BNC2: variants seen among roughly 807,000 people sequenced by gnomAD.
The protein encoded by BNC2 is zinc finger protein basonuclin-2.
Under a neutral mutation model 76.3 loss-of-function variants are expected in BNC2, and 20 were observed. That is an observed-to-expected ratio of 0.26 (90% confidence interval 0.18 to 0.38). BNC2 has a LOEUF of 0.38. BNC2 is among the 10% of genes least tolerant of loss of function. The probability of loss-of-function intolerance (pLI) is 1.00; values close to 1 mark genes in which losing one functional copy is unlikely to be tolerated. For missense variants in BNC2, 1,382 were observed against 1,399.8 expected (o/e 0.99, Z 0.20); for synonymous variants, 582 against 514.8 (o/e 1.13, Z -1.77).
chr9:16,691,527 T>G (rs1587320374), intron 3 of BNC2, among the ~76,000 whole-genome samples: 1 of 94,840 alleles, frequency 1.1e-5, no homozygotes, highest in Admixed American at 1.1e-4. Context: ...TTTTTTTTTT[T>G]GAAACAGAGT....
intron 1 of BNC2, among the ~76,000 whole-genome samples, chr9:16,790,843 G>A (rs1267812525): frequency 8.5e-6 from 1 of 117,102 alleles, no homozygotes; most frequent in African/African-American, 3.2e-5. Flanking sequence ...TTTTAAGAAT[G>A]CTGTTTACAA....
chr9:16,806,438 G>C (rs918697926), intron 1 of BNC2, among the ~76,000 whole-genome samples: 3 of 152,160 alleles, frequency 2.0e-5, no homozygotes, highest in African/African-American at 7.2e-5. Context: ...GTGCTATTTT[G>C]AAGGTTCACT....
chr9:16,452,734 G>C (rs141072835), intron 5 of BNC2, among the ~76,000 whole-genome samples: 1 of 152,140 alleles, frequency 6.6e-6, no homozygotes, highest in Non-Finnish European at 1.5e-5. Flanking sequence ...ATAAATGTTC[G>C]TGGGCGCATA....
At chr9:16,543,720 G>A (rs563944228) in intron 5 of BNC2, among the ~76,000 whole-genome samples, 26 of 152,290 alleles carry the variant, frequency 1.7e-4, no homozygotes, top group South Asian at 1.0e-3. Context: ...AATAGTTAGA[G>A]CTTTGGCATG....
At chr9:16,836,873 C>T (rs1586922936) in intron 1 of BNC2, among the ~76,000 whole-genome samples, 1 of 152,112 alleles carries the variant, frequency 6.6e-6, no homozygotes, top group East Asian at 1.9e-4. Flanking sequence ...GGCCCTTGGG[C>T]TGTCCACAGC....
intron 5 of BNC2, among the ~76,000 whole-genome samples, chr9:16,439,597 C>T (rs1821085675): frequency 6.6e-6 from 1 of 152,188 alleles, no homozygotes; most frequent in African/African-American, 2.4e-5. Flanking sequence ...ATCTGTACTG[C>T]TTTTGCAAGG....
At chr9:16,424,204 A>G (rs1292209542) in intron 6 of BNC2, among the ~76,000 whole-genome samples, 3 of 151,946 alleles carry the variant, frequency 2.0e-5, no homozygotes, top group Non-Finnish European at 4.4e-5. Flanking sequence ...CAAAAACACT[A>G]TCTAAAGAAA....
chr9:16,678,267 C>CTTTTTTTTTTTTTTTTTTTTT lies in BNC2; in HGVS notation c.330+49509_330+49529dup, dbSNP rs140809930. ...ACTTGTAACTGTTTTCTTTCTTTTTCTTTTTTTTTTTTTTTTTTTTTTTTT... is the reference window on the plus strand; with the variant it reads ...ACTTGTAACTGTTTTCTTTCTTTTTCTTTTTTTTTTTTTTTTTTTTTTTTTTTTTTTTTTTTTTTTTTTTTT... On this transcript the variant is annotated intron_variant, in intron 3 of 6. Coordinates refer to ENST00000380672, the MANE Select transcript of BNC2 (RefSeq NM_017637.6). 6.2e-5 allele frequency among the ~76,000 whole-genome samples: 5 copies of CTTTTTTTTTTTTTTTTTTTTT among 80,718 alleles called. 1 individual carries two copies. The highest frequency in any genetic ancestry group is 2.8e-4 in the African/African-American group (5 of 17,674). 53.0% of individuals were successfully genotyped at this position (80,718 alleles called of 152,430 possible). A position where few individuals can be genotyped will look rare whatever the true frequency, so the allele number is the denominator to read the frequency against.
At chr9:16,741,684 G>A (rs1824854090) in intron 1 of BNC2, among the ~76,000 whole-genome samples, 2 of 151,956 alleles carry the variant, frequency 1.3e-5, no homozygotes, top group Admixed American at 1.3e-4. Context: ...CATGACAGGT[G>A]CGGTGGCTCA....
intron 1 of BNC2, among the ~76,000 whole-genome samples, chr9:16,856,917 C>T (rs1401057495): frequency 5.3e-5 from 8 of 152,088 alleles, no homozygotes; most frequent in Admixed American, 2.6e-4. Flanking sequence ...AATTGAGTGG[C>T]CTTTCTTTGA....
At chr9:16,746,780 G>A (rs1825021230) in intron 1 of BNC2, among the ~76,000 whole-genome samples, 1 of 151,618 alleles carries the variant, frequency 6.6e-6, no homozygotes, top group Non-Finnish European at 1.5e-5. Flanking sequence ...GGATTAACAT[G>A]ATGAAACCTG....
intron 3 of BNC2, among the ~76,000 whole-genome samples, chr9:16,640,292 TTC>T (rs1268005281): frequency 2.0e-5 from 3 of 152,146 alleles, no homozygotes; most frequent in African/African-American, 7.2e-5. Context: ...CTCTCTCTCT[TTC>T]TCTCTAAGCT....
chr9:16,464,890 G>A (rs979944734), intron 5 of BNC2, among the ~76,000 whole-genome samples: 1 of 152,174 alleles, frequency 6.6e-6, no homozygotes, highest in East Asian at 1.9e-4. Context: ...GTCTGTGACT[G>A]AACTATGATC....
chr9:16,456,712 A>G (rs935733453), intron 5 of BNC2, among the ~76,000 whole-genome samples: 1 of 152,152 alleles, frequency 6.6e-6, no homozygotes, highest in Non-Finnish European at 1.5e-5. Flanking sequence ...GCAACTAAAG[A>G]GTCCTTGAAA....
At chr9:16,570,017 C>T (rs1268759184) in intron 4 of BNC2, among the ~76,000 whole-genome samples, 1 of 152,138 alleles carries the variant, frequency 6.6e-6, no homozygotes, top group Non-Finnish European at 1.5e-5. Flanking sequence ...TAACTATGTA[C>T]ATCCTTTTAT....
intron 1 of BNC2, among the ~76,000 whole-genome samples, chr9:16,742,003 G>GGGCA (rs1319897721): frequency 6.7e-6 from 1 of 149,218 alleles, no homozygotes; most frequent in Non-Finnish European, 1.5e-5. Context: ...ATACCTTGAT[G>GGGCA]GGCAATAGTA....
At chr9:16,764,484 T>C (rs761577313) in intron 1 of BNC2, among the ~76,000 whole-genome samples, 1 of 152,218 alleles carries the variant, frequency 6.6e-6, no homozygotes, top group Non-Finnish European at 1.5e-5. Flanking sequence ...ACCATGAGTA[T>C]ATATCCTGTC....
intron 1 of BNC2, among the ~76,000 whole-genome samples, chr9:16,788,551 T>C (rs1238700603): frequency 2.0e-5 from 2 of 98,194 alleles, no homozygotes; most frequent in African/African-American, 8.6e-5. Flanking sequence ...ACACTCCTTC[T>C]CAAAAAAAAA....
intron 3 of BNC2, among the ~76,000 whole-genome samples, chr9:16,592,065 T>C (rs548134662): frequency 1.3e-5 from 2 of 151,912 alleles, no homozygotes; most frequent in African/African-American, 4.8e-5. Flanking sequence ...GCAGGCAACA[T>C]GGTAAAAGAC....
Sources: allele counts gnomAD v4.1 joint callset (sites outside exome capture counted in the v4.1 genomes callset), GRCh38; gene constraint gnomAD v4.1.1; transcripts MANE v1.5; gene names NCBI Gene and HGNC (gene_info 2026-07-23, HGNC 2026-07-21).